ZCWPW2: variants seen among roughly 807,000 people sequenced by gnomAD.
ZCWPW2 encodes the protein zinc finger CW-type PWWP domain protein 2.
A neutral mutation model predicts 46.6 loss-of-function variants in ZCWPW2; 45 were observed. The ratio of observed to expected loss-of-function variants is 0.96; its 90% CI spans 0.76 to 1.24. The LOEUF (loss-of-function observed/expected upper bound fraction) is 1.24, where lower values mean the gene tolerates loss of function less well. ZCWPW2 is among the 50% of genes most tolerant of loss of function. ZCWPW2 has a pLI of 0.00. For synonymous variants in ZCWPW2, 152 were observed against 137.1 expected, an observed-to-expected ratio of 1.11 and a Z score of -0.76; for missense variants, 429 against 403.9, an observed-to-expected ratio of 1.06 and a Z score of -0.53.
intron 4 of ZCWPW2, chr3:28,447,998 A>G (rs1698063410): frequency 2.1e-6 from 1 of 466,384 alleles, no homozygotes; most frequent in South Asian, 2.8e-5. Flanking sequence ...GACAGGATCA[A>G]GTGTGCTTTC....
At chr3:28,440,808 G>T (rs1559505694) in intron 4 of ZCWPW2, among the ~76,000 whole-genome samples, 1 of 152,190 alleles carries the variant, frequency 6.6e-6, no homozygotes, top group Non-Finnish European at 1.5e-5. Context: ...AGCATTGTGT[G>T]CAGGTTAGGC....
rs142132886 is a variant in ZCWPW2 at position 28,488,988 on chromosome 3, T to C, written c.611-3139T>C. 4.0e-3 allele frequency among the ~76,000 whole-genome samples: 610 copies of C among 152,348 alleles called. 4 individuals carry two copies. The highest frequency in any genetic ancestry group is 0.014 in the African/African-American group (584 of 41,592). On this transcript the variant is annotated intron_variant, in intron 5 of 9. Transcript: ENST00000383768. Reference sequence around the variant, plus strand: ...TTACATAAGAATTTTCCTTTGGCATTTGAAAATCAACGTGGTTGTTGATAT... The same window carrying C: ...TTACATAAGAATTTTCCTTTGGCATCTGAAAATCAACGTGGTTGTTGATAT...
At chr3:28,372,290 G>A (rs538201889) in intron 1 of ZCWPW2, among the ~76,000 whole-genome samples, 190 of 152,166 alleles carry the variant, frequency 1.2e-3, no homozygotes, top group African/African-American at 4.1e-3. Context: ...TTAAAGAACC[G>A]TAGTCTATAG....
intron 4 of ZCWPW2, among the ~76,000 whole-genome samples, chr3:28,474,162 A>G (rs1699141533): frequency 6.6e-6 from 1 of 152,156 alleles, no homozygotes; most frequent in South Asian, 2.1e-4. Flanking sequence ...CTATGTACCT[A>G]CAAAAATTAA....
At position 28,382,780 on chromosome 3, in the gene ZCWPW2, G is replaced by A. The variant is rs535448520; in HGVS notation, c.-133-7718G>A. Among the ~76,000 whole-genome samples the A allele has an allele frequency of 8.5e-5, 13 of 152,176 alleles. No individual in the cohort carries two copies. The South Asian group carries it at 2.7e-3, about 32-fold the overall frequency. On this transcript the variant is annotated intron_variant, in intron 1 of 9. Coordinates refer to ENST00000383768, the MANE Select transcript of ZCWPW2 (RefSeq NM_001040432.4). ...AAGTCTTTCAAAATCCTGTCCTAAT[G>A]AGTAAAATTAAGGAAATTTCAGGGT...
chr3:28,453,179 A>G (rs1368102547), intron 4 of ZCWPW2, among the ~76,000 whole-genome samples: 2 of 152,192 alleles, frequency 1.3e-5, no homozygotes, highest in Admixed American at 1.3e-4. Context: ...AGGAAATACT[A>G]TATTTCATGT....
chr3:28,400,594 A>G (rs900202491), intron 2 of ZCWPW2, among the ~76,000 whole-genome samples: 1 of 152,206 alleles, frequency 6.6e-6, no homozygotes, highest in Non-Finnish European at 1.5e-5. Flanking sequence ...GAGATTTCTC[A>G]GCAGAAACCC....
At chr3:28,431,760 A>T (rs186127470) in intron 3 of ZCWPW2, among the ~76,000 whole-genome samples, 4 of 152,062 alleles carry the variant, frequency 2.6e-5, no homozygotes, top group African/African-American at 9.7e-5. Flanking sequence ...ACCAGTTACT[A>T]TGAGGTCTAG....
chr3:28,371,209 T>G (rs1410750324), intron 1 of ZCWPW2, among the ~76,000 whole-genome samples: 1 of 152,234 alleles, frequency 6.6e-6, no homozygotes, highest in Non-Finnish European at 1.5e-5. Flanking sequence ...TGCTTGATTT[T>G]ATTACAACAT....
chr3:28,388,905 A>G (rs970685496), intron 1 of ZCWPW2, among the ~76,000 whole-genome samples: 1 of 152,138 alleles, frequency 6.6e-6, no homozygotes, highest in Non-Finnish European at 1.5e-5. Flanking sequence ...AGATGCCCTA[A>G]AGGATTTCTC....
chr3:28,386,083 A>G (rs1172060089), intron 1 of ZCWPW2, among the ~76,000 whole-genome samples: 4 of 152,126 alleles, frequency 2.6e-5, no homozygotes, highest in Non-Finnish European at 5.9e-5. Context: ...TGAATGTTTG[A>G]GTCTCCCCTA....
intron 4 of ZCWPW2, among the ~76,000 whole-genome samples, chr3:28,449,023 C>G (rs1698121913): frequency 6.6e-6 from 1 of 151,986 alleles, no homozygotes; most frequent in African/African-American, 2.4e-5. Flanking sequence ...AAACTTAGGA[C>G]AAAGCCACAG....
intron 1 of ZCWPW2, among the ~76,000 whole-genome samples, chr3:28,370,890 G>T (rs1264593201): frequency 6.6e-6 from 1 of 152,046 alleles, no homozygotes; most frequent in East Asian, 1.9e-4. Flanking sequence ...GCACCACCAT[G>T]CCCAGCTAAT....
intron 4 of ZCWPW2, among the ~76,000 whole-genome samples, chr3:28,439,983 G>GT (rs1008769022): frequency 7.2e-5 from 11 of 152,058 alleles, no homozygotes; most frequent in East Asian, 3.9e-4. Context: ...GCAGGTCATG[G>GT]TTTTTTTTCC....
At chr3:28,495,976 A>G (rs1699980519) in intron 6 of ZCWPW2, among the ~76,000 whole-genome samples, 1 of 152,058 alleles carries the variant, frequency 6.6e-6, no homozygotes, top group South Asian at 2.1e-4. Context: ...GACTCGACAA[A>G]CTACAAATAT....
chr3:28,515,000 A>G (rs1488659759), intron 7 of ZCWPW2, among the ~76,000 whole-genome samples: 1 of 152,156 alleles, frequency 6.6e-6, no homozygotes, highest in African/African-American at 2.4e-5. Flanking sequence ...AACCCTATCA[A>G]ATTGTTAGGA....
At chr3:28,365,424 T>C (rs1304244974) in intron 1 of ZCWPW2, among the ~76,000 whole-genome samples, 6 of 141,362 alleles carry the variant, frequency 4.2e-5, no homozygotes, top group Non-Finnish European at 1.6e-5. Flanking sequence ...CATTGCTTGT[T>C]TTTGTCAGGT....
At chr3:28,491,624 C>A (rs1300195290) in intron 5 of ZCWPW2, among the ~76,000 whole-genome samples, 1 of 152,040 alleles carries the variant, frequency 6.6e-6, no homozygotes, top group Non-Finnish European at 1.5e-5. Context: ...TCTGGCCAAG[C>A]TGCATGACCT....
chr3:28,369,851 C>T (rs1276885140), intron 1 of ZCWPW2, among the ~76,000 whole-genome samples: 4 of 152,206 alleles, frequency 2.6e-5, no homozygotes, highest in Non-Finnish European at 4.4e-5. Context: ...CAAGCCTCAG[C>T]AATGGTGGGG....
Sources: allele counts gnomAD v4.1 joint callset (sites outside exome capture counted in the v4.1 genomes callset), GRCh38; gene constraint gnomAD v4.1.1; transcripts MANE v1.5; gene names NCBI Gene and HGNC (gene_info 2026-07-23, HGNC 2026-07-21).